Variants in RP1L1 observed in about 807,000 individuals in gnomAD.
RP1L1 encodes RP1 like 1.
Under a neutral mutation model 15.7 loss-of-function variants are expected in RP1L1, and 27 were observed. The observed-to-expected ratio is 1.72, with a 90% CI of 1.27 to 2.38. RP1L1 has a LOEUF of 2.38. Among genes scored for constraint, RP1L1 ranks in the 30% most tolerant of loss-of-function variants. The pLI, the probability that RP1L1 is intolerant of heterozygous loss-of-function variation, is 0.00. For missense variants in RP1L1, 4,798 were observed against 3,075.9 expected (o/e 1.56, Z -13.24); for synonymous variants, 1,813 against 1,276.7 (o/e 1.42, Z -8.96).
chr8:10,646,981 G>C (rs994513300), intron 1 of RP1L1, among the ~76,000 whole-genome samples: 2 of 152,122 alleles, frequency 1.3e-5, no homozygotes, highest in Non-Finnish European at 2.9e-5. Context: ...AGAAAGCCTC[G>C]CCCGAGGCGG....
chr8:10,610,612 G>A lies in RP1L1; in HGVS notation c.3486C>T (p.Asp1162=), dbSNP rs112361777. The stretch of plus-strand genomic sequence containing the variant: ...CTGAGTCCAGCTGGTCTTCCCCAAC[G>A]TCACATCCTGGCCACAGGTCCTTCG... ...SISKDLWPGC[D]VGEDQLDSGL... is the part of the protein sequence containing the mutation. The change falls in exon 4 of 4, where the codon GAC becomes GAT. Residue 1162 remains aspartate (D), a synonymous_variant. Transcript: ENST00000382483. 43 of 1,613,556 alleles carry A rather than the reference G, an allele frequency of 2.7e-5. No homozygotes were observed. Among genetic ancestry groups the A allele is most frequent in the Admixed American group, 1.3e-4 (8 of 60,036 alleles).
chr8:10,613,615 A>G (rs923929302), intron 3 of RP1L1, among the ~76,000 whole-genome samples: 5 of 151,062 alleles, frequency 3.3e-5, no homozygotes, highest in Admixed American at 1.3e-4. Context: ...AAAAAAAAAA[A>G]AAAAAAAAAG....
In RP1L1 at chr8:10,607,127, C is replaced by A; in HGVS notation, c.6971G>T (p.Arg2324Met). Residue 2324 changes from arginine (R) to methionine (M), a missense_variant, in exon 4 of 4, where the codon AGG (arginine) becomes ATG (methionine). By Grantham distance (91) the Arg-to-Met change is moderately conservative. Transcript: ENST00000382483. ...SENDHVLGDT[R>M]SPDAKSTGTP... is the part of the protein sequence containing the mutation. ...CCCCGTGGACTTGGCATCAGGGCTC[C>A]TTGTGTCTCCAAGTACATGGTCATT... The A allele has an allele frequency of 6.2e-7, 1 of 1,614,246 alleles. No individual in the cohort carries two copies.
Position 10,612,891 on chromosome 8 carries a change from G to T in RP1L1, c.1207C>A (p.Pro403Thr). ...EVFGRGGQPG[P>T]KYEIWTNPLH... ...GGATTCGTCCAGATTTCATACTTGG[G>T]CCCTGGCTGCCCGCCTCGGCCAAAG... Residue 403 changes from proline to threonine, a missense_variant, in exon 4 of 4, where the codon CCC becomes ACC. Pro to Thr is a conservative substitution (Grantham distance 38). Coordinates refer to ENST00000382483, the MANE Select transcript of RP1L1 (RefSeq NM_178857.6). 6.2e-7 allele frequency: 1 copy of T among 1,612,732 alleles called. No homozygotes were observed. The highest frequency in any genetic ancestry group is 8.5e-7 in the Non-Finnish European group (1 of 1,179,858).
At position 10,612,256 on chromosome 8, in the gene RP1L1, G is replaced by A. The variant is rs374237928; in HGVS notation, c.1842C>T (p.Gly614=). 3 of 1,613,106 alleles carry A rather than the reference G, an allele frequency of 1.9e-6. No individual in the cohort carries two copies. The highest frequency in any genetic ancestry group is 2.2e-5 in the South Asian group (2 of 91,092). ...CTTCCGAGTCCCAGGAGCAGGAAAG[G>A]CCCAGAACCAGAGGCTCCCTTGTCA... The part of the protein sequence containing the change: ...AAVTREPLVL[G]LSCSWDSEGA... Residue 614 remains glycine, a synonymous_variant, in exon 4 of 4, where the codon GGC becomes GGT. Transcript: ENST00000382483.
In RP1L1 at chr8:10,609,854, G is replaced by A; in HGVS notation, c.4244C>T (p.Ser1415Phe). The A allele has an allele frequency of 5.0e-6, 8 of 1,614,172 alleles. No individual in the cohort carries two copies. The highest frequency in any genetic ancestry group is 1.1e-5 in the South Asian group (1 of 91,090). ...VHGQELSEAS[S>F]PDGKGSQEDD... Reference sequence around the variant, plus strand: ...TTCCTGGGAGCCTTTCCCATCCGGAGAGCTGGCCTCTGACAATTCCTGCCC... The same window carrying A: ...TTCCTGGGAGCCTTTCCCATCCGGAAAGCTGGCCTCTGACAATTCCTGCCC... The change falls in exon 4 of 4, where the codon TCT becomes TTT. Residue 1415 changes from serine (S) to phenylalanine (F), a missense_variant. Ser to Phe is a radical substitution (Grantham distance 155, BLOSUM62 -2). Transcript: ENST00000382483.
rs1208864687 is a variant in RP1L1, at chr8:10,647,215, A to C, written c.-20+7683T>G. On this transcript the variant is annotated intron_variant, in intron 1 of 3. Transcript: ENST00000382483. ...CTATAACGGAGACTGGTTACAAGGC[A>C]ACCAAGTACAAATCCTAACGAATGT... 3.9e-5 allele frequency among the ~76,000 whole-genome samples: 6 copies of C among 152,240 alleles called. No homozygotes were observed. The East Asian group carries it at 1.2e-3, about 29-fold the overall frequency.
chr8:10,623,914 C>G (rs1200016024), intron 1 of RP1L1, among the ~76,000 whole-genome samples: 1 of 151,604 alleles, frequency 6.6e-6, no homozygotes, highest in African/African-American at 2.4e-5. Context: ...CCCAGCATCA[C>G]CATGTCCCAG....
Position 10,611,436 on chromosome 8 carries a change from G to T in RP1L1, c.2662C>A (p.Pro888Thr). 1 of 1,576,892 alleles carries T rather than the reference G, an allele frequency of 6.3e-7. No individual in the cohort carries two copies. Among genetic ancestry groups the T allele is most frequent in the Non-Finnish European group, 8.6e-7 (1 of 1,163,722 alleles). ...CCTGGCTGGCGTGTCCCCTCCTGCG[G>T]GCTCCCACCTGGCCCCCGGGCAGTG... is the stretch of plus-strand genomic sequence containing the variant. Reference protein sequence around the residue: ...QSTARGPGGSPQEGTRQPGPT... With the variant: ...QSTARGPGGSTQEGTRQPGPT... Residue 888 changes from proline (P) to threonine (T), a missense_variant, in exon 4 of 4, where the codon CCG becomes ACG. By Grantham distance (38) the Pro-to-Thr change is conservative. Transcript: ENST00000382483.
At chr8:10,625,558 C>T (rs1207634714) in intron 1 of RP1L1, among the ~76,000 whole-genome samples, 1 of 152,104 alleles carries the variant, frequency 6.6e-6, no homozygotes, top group Admixed American at 6.5e-5. Flanking sequence ...GTGAGATGCT[C>T]CATAGGCGGA....
In RP1L1 at chr8:10,613,200, A is replaced by C; in HGVS notation, c.898T>G (p.Ser300Ala). ...TCATCGCCAGCCACCAGCGGGCCCG[A>C]CTGAGCTGGCGTGTCCTGAGGGTGC... The part of the protein sequence containing the change: ...GRHPQDTPAQ[S>A]GPLVAGDDMK... The change falls in exon 4 of 4, where the codon TCG (serine) becomes GCG (alanine). Residue 300 changes from serine (S) to alanine (A), a missense_variant. Ser to Ala is a moderately conservative substitution (Grantham distance 99, BLOSUM62 1). Transcript: ENST00000382483. 3 of 1,613,524 alleles carry C rather than the reference A, an allele frequency of 1.9e-6. No individual in the cohort carries two copies. Among genetic ancestry groups the C allele is most frequent in the Non-Finnish European group, 2.5e-6 (3 of 1,180,010 alleles).
chr8:10,609,297 G>T lies in RP1L1; in HGVS notation c.4801C>A (p.Leu1601Met). Residue 1601 changes from leucine to methionine, a missense_variant, in exon 4 of 4, where the codon CTG becomes ATG. Leu to Met is a conservative substitution (Grantham distance 15). Coordinates refer to ENST00000382483, the MANE Select transcript of RP1L1 (RefSeq NM_178857.6). ...PREALTGELL[L>M]QTQQRRHRLR... Reference sequence around the variant, plus strand: ...CGGTGTCTGCGCTGCTGGGTCTGCAGGAGCAGCTCCCCGGTGAGGGCCTCC... The same window carrying T: ...CGGTGTCTGCGCTGCTGGGTCTGCATGAGCAGCTCCCCGGTGAGGGCCTCC... 6.2e-7 allele frequency: 1 copy of T among 1,611,066 alleles called. No homozygotes were observed.
At chr8:10,636,181 A>G (rs1284862872) in intron 1 of RP1L1, among the ~76,000 whole-genome samples, 3 of 152,252 alleles carry the variant, frequency 2.0e-5, no homozygotes, top group African/African-American at 7.2e-5. Flanking sequence ...GGGCCTTGCC[A>G]TCGCTCAGAC....
rs1345559919 is a variant in RP1L1 at position 10,616,391 on chromosome 8, T to C, written c.751+55A>G. Reference sequence around the variant, plus strand: ...ACCTGGAAGGCTTTCCACTCAGCCCTACTGAACCACCATGCAGTGCAAATC... The same window carrying C: ...ACCTGGAAGGCTTTCCACTCAGCCCCACTGAACCACCATGCAGTGCAAATC... On this transcript the variant is annotated intron_variant, in intron 3 of 3. Coordinates refer to ENST00000382483, the MANE Select transcript of RP1L1 (RefSeq NM_178857.6). 3 of 1,611,756 alleles carry C rather than the reference T, an allele frequency of 1.9e-6. No homozygotes were observed. The African/African-American group carries it at 4.0e-5, about 22-fold the overall frequency.
At chr8:10,654,144 C>T (rs927337544) in intron 1 of RP1L1, among the ~76,000 whole-genome samples, 6 of 152,180 alleles carry the variant, frequency 3.9e-5, no homozygotes, top group African/African-American at 1.4e-4. Flanking sequence ...CACTGATCTC[C>T]CCTAAGCCTC....
At chr8:10,633,813 G>A (rs753182768) in intron 1 of RP1L1, among the ~76,000 whole-genome samples, 16 of 152,146 alleles carry the variant, frequency 1.1e-4, no homozygotes, top group Non-Finnish European at 1.3e-4. Context: ...TACAATACAA[G>A]GTATATGTCC....
chr8:10,612,116 G>C lies in RP1L1; in HGVS notation c.1982C>G (p.Pro661Arg), dbSNP rs780579349. 2.5e-6 allele frequency: 4 copies of C among 1,613,712 alleles called. No homozygotes were observed. The Admixed American group carries it at 6.7e-5, about 27-fold the overall frequency. ...PSSPGLGRVA[P>R]RGHPRHSHYR... is the part of the protein sequence containing the mutation. ...GTGAGAATGCCTGGGATGGCCTCTCGGGGCCACTCGGCCAAGGCCAGGGCT... is the reference window on the plus strand; with the variant it reads ...GTGAGAATGCCTGGGATGGCCTCTCCGGGCCACTCGGCCAAGGCCAGGGCT... The change falls in exon 4 of 4, where the codon CCG (proline) becomes CGG (arginine). Residue 661 changes from proline to arginine, a missense_variant. Pro to Arg is a moderately radical substitution (Grantham distance 103). Transcript: ENST00000382483.
chr8:10,612,597 C>G lies in RP1L1; in HGVS notation c.1501G>C (p.Glu501Gln). The G allele has an allele frequency of 6.2e-7, 1 of 1,603,654 alleles. No individual in the cohort carries two copies. Among genetic ancestry groups the G allele is most frequent in the Non-Finnish European group, 8.5e-7 (1 of 1,179,474 alleles). The change falls in exon 4 of 4, where the codon GAG becomes CAG. Residue 501 changes from glutamate to glutamine, a missense_variant. Coordinates refer to ENST00000382483, the MANE Select transcript of RP1L1 (RefSeq NM_178857.6). The part of the protein sequence containing the change: ...AERKAGGSLG[E>Q]DPGLCIDGAG... ...CCATCTATGCATAGGCCGGGGTCCT[C>G]ACCCAGGCTCCCTCCAGCTTTCCGC...
At chr8:10,630,573 C>T (rs771753656) in intron 1 of RP1L1, among the ~76,000 whole-genome samples, 3 of 152,162 alleles carry the variant, frequency 2.0e-5, no homozygotes, top group East Asian at 3.9e-4. Flanking sequence ...TTTCCCAGCC[C>T]GTAGGGGAGC....
Sources: allele counts gnomAD v4.1 joint callset (sites outside exome capture counted in the v4.1 genomes callset), GRCh38; gene constraint gnomAD v4.1.1; transcripts MANE v1.5; gene names NCBI Gene and HGNC (gene_info 2026-07-23, HGNC 2026-07-21).